The following TMPRSS2 variants were observed in gnomAD, a reference collection of about 807,000 sequenced individuals.
The protein encoded by TMPRSS2 is transmembrane serine protease 2.
In TMPRSS2, 59 loss-of-function variants were observed where a neutral mutation model predicts 67.4. That is an observed-to-expected ratio of 0.88 (90% CI 0.71 to 1.09). The LOEUF (loss-of-function observed/expected upper bound fraction) is 1.09, where lower values mean the gene tolerates loss of function less well. TMPRSS2 is among the 50% of genes least tolerant of loss of function. The pLI is 0.00. For synonymous variants in TMPRSS2, 257 were observed against 257.0 expected, an observed-to-expected ratio of 1.00 and a Z score of 0.00; for missense variants, 668 against 642.7, an observed-to-expected ratio of 1.04 and a Z score of -0.43.
chr21:41,501,773 C>T (rs73903405), intron 1 of TMPRSS2, among the ~76,000 whole-genome samples: 2 of 152,330 alleles, frequency 1.3e-5, no homozygotes, highest in East Asian at 1.9e-4. Flanking sequence ...ATCTTCAAAA[C>T]AGGCATTTCC....
chr21:41,481,831 G>A (rs1185367261), intron 5 of TMPRSS2, among the ~76,000 whole-genome samples: 1 of 152,158 alleles, frequency 6.6e-6, no homozygotes, highest in Non-Finnish European at 1.5e-5. Context: ...GGGAGGCCAA[G>A]GCGGGCAGAT....
intron 12 of TMPRSS2, 74 bp from the exon 13 acceptor site, chr21:41,467,960 AG>A: frequency 1.3e-6 from 2 of 1,573,722 alleles, no homozygotes; most frequent in Non-Finnish European, 1.7e-6. Context: ...CCAGGCCTAG[AG>A]GAGTTGGGGG....
At chr21:41,492,614 A>C (rs1448847017) in intron 3 of TMPRSS2, among the ~76,000 whole-genome samples, 1 of 152,222 alleles carries the variant, frequency 6.6e-6, no homozygotes, top group South Asian at 2.1e-4. Flanking sequence ...AAGTTCAATT[A>C]AATTACTAAA....
intron 3 of TMPRSS2, among the ~76,000 whole-genome samples, chr21:41,492,130 T>A (rs1601584655): frequency 6.6e-6 from 1 of 152,248 alleles, no homozygotes; most frequent in African/African-American, 2.4e-5. Flanking sequence ...GAGGCAGAGG[T>A]TGCAGTGAGC....
rs752650649 is a variant in TMPRSS2, at chr21:41,494,442, T to G, written c.152A>C (p.Gln51Pro). 2 of 1,613,492 alleles carry G rather than the reference T, an allele frequency of 1.2e-6. No homozygotes were observed. Among genetic ancestry groups the G allele is most frequent in the Admixed American group, 3.3e-5 (2 of 59,808 alleles). Reference protein sequence around the residue: ...PAQYYPSPVPQYAPRVLTQAS... With the variant: ...PAQYYPSPVPPYAPRVLTQAS... ...CTGCGTCAGGACCCTCGGGGCGTAC[T>G]GGGGCACGGGGGACGGGTAGTACTG... The change falls in exon 3 of 14, where the codon CAG (glutamine) becomes CCG (proline). Residue 51 changes from glutamine to proline, a missense_variant. Physicochemically the swap from Gln to Pro is moderately conservative, Grantham distance 76. Transcript: ENST00000332149.
chr21:41,470,802 G>C lies in TMPRSS2; in HGVS notation c.1076-59C>G, dbSNP rs955861062. 5 of 749,916 alleles carry C rather than the reference G, an allele frequency of 6.7e-6. No individual in the cohort carries two copies. The Admixed American group carries it at 9.8e-5, about 15-fold the overall frequency. The allele number at this position is 749,916 out of a possible 1,614,324, so 46.5% of individuals were successfully genotyped here. On this transcript the variant is annotated intron_variant, in intron 10 of 13. Coordinates refer to ENST00000332149, the MANE Select transcript of TMPRSS2 (RefSeq NM_005656.4). ...CGGGTATCACCTATGTCTCCACCTG[G>C]CCTTCCCACATGCAGGCTGCTGGGC...
intron 3 of TMPRSS2, 87 bp from the exon 4 acceptor site, chr21:41,489,680 C>A (rs959620019): frequency 2.5e-6 from 2 of 796,498 alleles, no homozygotes; most frequent in Non-Finnish European, 4.1e-6. Flanking sequence ...TTATAGTACA[C>A]CACATTAAGA....
intron 9 of TMPRSS2, 30 bp downstream of exon 9, chr21:41,473,295 C>A (rs760485741): frequency 6.5e-7 from 1 of 1,549,674 alleles, no homozygotes; most frequent in South Asian, 1.2e-5. Context: ...GCCCTGAGCC[C>A]CCACCCGGCC....
Position 41,494,420 on chromosome 21 carries a change from C to T in TMPRSS2, c.174G>A (p.Thr58=), listed in dbSNP as rs746239081. The change falls in exon 3 of 14, where the codon ACG becomes ACA. Residue 58 remains threonine (T), a synonymous_variant. Transcript: ENST00000332149. ...PVPQYAPRVL[T]QASNPVVCTQ... ...TGCAGACGACGGGGTTGGAAGCCTGCGTCAGGACCCTCGGGGCGTACTGGG... is the reference window on the plus strand; with the variant it reads ...TGCAGACGACGGGGTTGGAAGCCTGTGTCAGGACCCTCGGGGCGTACTGGG... 12 of 1,611,960 alleles carry T rather than the reference C, an allele frequency of 7.4e-6. No individual in the cohort carries two copies. Among genetic ancestry groups the T allele is most frequent in the South Asian group, 3.3e-5 (3 of 90,726 alleles).
At position 41,470,565 on chromosome 21, in the gene TMPRSS2, G is replaced by C. The variant is rs373469999; in HGVS notation, c.1171+83C>G. 1.2e-5 allele frequency: 16 copies of C among 1,290,002 alleles called. No individual in the cohort carries two copies. The African/African-American group carries it at 1.5e-4, about 12-fold the overall frequency. 79.9% of individuals were successfully genotyped at this position (1,290,002 alleles called of 1,614,324 possible). On this transcript the variant is annotated intron_variant, in intron 11 of 13. Coordinates refer to ENST00000332149, the MANE Select transcript of TMPRSS2 (RefSeq NM_005656.4). ...TCCAGTCATTGAGTAGTAGAACTGG[G>C]ATTAAAACCTGGACCTCCCACTTCC...
At position 41,468,433 on chromosome 21, in the gene TMPRSS2, C is replaced by G; in HGVS notation, c.1277G>C (p.Cys426Ser). The change falls in exon 12 of 14, where the codon TGT becomes TCT. Residue 426 changes from cysteine to serine, a missense_variant. By Grantham distance (112) the Cys-to-Ser change is moderately radical. Transcript: ENST00000332149. Reference protein sequence around the residue: ...YDNLITPAMICAGFLQGNVDS... With the variant: ...YDNLITPAMISAGFLQGNVDS... ...GACGTTCCCCTGCAGGAAGCCGGCA[C>G]AGATCATGGCTGGTGTGATCAGGTT... 4 of 1,614,208 alleles carry G rather than the reference C, an allele frequency of 2.5e-6. No homozygotes were observed. Among genetic ancestry groups the G allele is most frequent in the Non-Finnish European group, 3.4e-6 (4 of 1,180,042 alleles).
Position 41,490,744 on chromosome 21 carries a change from A to G in TMPRSS2, c.239-1151T>C, listed in dbSNP as rs1473512875. Among the ~76,000 whole-genome samples, 5 of 152,402 alleles carry G rather than the reference A, an allele frequency of 3.3e-5. No homozygotes were observed. The East Asian group carries it at 7.7e-4, about 23-fold the overall frequency. ...GCAGAGTCAGACGCTGGGCTCAGCC[A>G]GCTCATGGGCCAGGAGGGAGGGCAT... On this transcript the variant is annotated intron_variant, in intron 3 of 13. Transcript: ENST00000332149.
At chr21:41,481,001 G>A (rs1206890034) in intron 5 of TMPRSS2, among the ~76,000 whole-genome samples, 1 of 152,150 alleles carries the variant, frequency 6.6e-6, no homozygotes. Context: ...CTCCGGAGGT[G>A]GCAGCACAGT....
chr21:41,468,520 A>G lies in TMPRSS2; in HGVS notation c.1190T>C (p.Leu397Pro). 1 of 1,614,138 alleles carries G rather than the reference A, an allele frequency of 6.2e-7. No individual in the cohort carries two copies. The highest frequency in any genetic ancestry group is 8.5e-7 in the Non-Finnish European group (1 of 1,180,032). Residue 397 changes from leucine (L) to proline (P), a missense_variant, in exon 12 of 14, where the codon CTG becomes CCG. Coordinates refer to ENST00000332149, the MANE Select transcript of TMPRSS2 (RefSeq NM_005656.4). ...TEEKGKTSEVLNAAKVLLIET... is the reference protein window; with the variant it reads ...TEEKGKTSEVPNAAKVLLIET... ...AATGAGAAGCACCTTGGCAGCGTTC[A>G]GCACTTCTGAGGTCTTCCCTAAGGA...
chr21:41,494,266 G>C (rs909266489), intron 3 of TMPRSS2, 90 bp downstream of exon 3: 3 of 1,362,612 alleles, frequency 2.2e-6, no homozygotes, highest in South Asian at 1.3e-5. Context: ...GAGAGGTGGC[G>C]ACAGTGGTGT....
At chr21:41,498,925 C>T (rs1053087939) in intron 1 of TMPRSS2, among the ~76,000 whole-genome samples, 4 of 150,508 alleles carry the variant, frequency 2.7e-5, no homozygotes, top group Non-Finnish European at 5.9e-5. Context: ...CCTCACAGTA[C>T]TAGGAACTGA....
rs749146842 is a variant in TMPRSS2 at position 41,494,350 on chromosome 21, T to G, written c.238+6A>C. The G allele has an allele frequency of 6.2e-7, 1 of 1,611,178 alleles. No individual in the cohort carries two copies. The highest frequency in any genetic ancestry group is 8.5e-7 in the Non-Finnish European group (1 of 1,179,326). ...TTACAGGAAATAAACACAAAGAGAA[T>G]CCTACTTGAGGTGCACACTGTCCCG... is the stretch of plus-strand genomic sequence containing the variant. On this transcript the variant is annotated splice_donor_region_variant and intron_variant, in intron 3 of 13. Coordinates refer to ENST00000332149, the MANE Select transcript of TMPRSS2 (RefSeq NM_005656.4).
rs140547429 is a variant in TMPRSS2, at chr21:41,473,401, C to T, written c.823G>A (p.Val275Ile). Residue 275 changes from valine to isoleucine, a missense_variant, in exon 9 of 14, where the codon GTC becomes ATC. By Grantham distance (29) the Val-to-Ile change is conservative (BLOSUM62 3). Transcript: ENST00000332149. Reference protein sequence around the residue: ...GAWPWQVSLHVQNVHVCGGSI... With the variant: ...GAWPWQVSLHIQNVHVCGGSI... ...CCTCCGCACACGTGGACGTTCTGGACGTGCAGGCTGACCTGCCAGGGCCAG... is the reference window on the plus strand; with the variant it reads ...CCTCCGCACACGTGGACGTTCTGGATGTGCAGGCTGACCTGCCAGGGCCAG... The T allele has an allele frequency of 1.6e-5, 26 of 1,610,154 alleles. No homozygotes were observed. The highest frequency in any genetic ancestry group is 4.4e-5 in the South Asian group (4 of 90,594).
At chr21:41,480,264 G>A (rs980351849) in intron 6 of TMPRSS2, among the ~76,000 whole-genome samples, 10 of 152,214 alleles carry the variant, frequency 6.6e-5, no homozygotes, top group African/African-American at 2.4e-4. Context: ...CAAGGAGGAG[G>A]CAGGGCAAGG....
Sources: allele counts gnomAD v4.1 joint callset (sites outside exome capture counted in the v4.1 genomes callset), GRCh38; gene constraint gnomAD v4.1.1; transcripts MANE v1.5; gene names NCBI Gene and HGNC (gene_info 2026-07-23, HGNC 2026-07-21).